The following MICAL3 variants were observed in gnomAD, a reference collection of about 807,000 sequenced individuals.
MICAL3 encodes [F-actin]-monooxygenase MICAL3.
A neutral mutation model predicts 207.4 loss-of-function variants in MICAL3; 62 were observed. The ratio of observed to expected loss-of-function variants is 0.30; its 90% CI spans 0.24 to 0.37. The LOEUF is 0.37. MICAL3 is among the 10% of genes least tolerant of loss of function. The pLI is 1.00. For missense variants in MICAL3, 2,368 were observed against 2,635.6 expected, an observed-to-expected ratio of 0.90 and a Z score of 2.22; for synonymous variants, 1,077 against 1,069.3, an observed-to-expected ratio of 1.01 and a Z score of -0.14.
At chr22:17,942,784 C>A (rs1602260739) in intron 1 of MICAL3, among the ~76,000 whole-genome samples, 1 of 152,074 alleles carries the variant, frequency 6.6e-6, no homozygotes, top group East Asian at 1.9e-4. Context: ...TCAACCAGGG[C>A]AGTCCCAGAG....
At chr22:17,926,349 C>T (rs895588609) in intron 1 of MICAL3, among the ~76,000 whole-genome samples, 1 of 152,216 alleles carries the variant, frequency 6.6e-6, no homozygotes, top group Non-Finnish European at 1.5e-5. Context: ...AAAAGCAAAC[C>T]TGGTGGAGAA....
rs190816455 is a variant in MICAL3, at chr22:17,850,572, C to T, written c.2606-8555G>A. On this transcript the variant is annotated intron_variant, in intron 19 of 31. Coordinates refer to ENST00000441493, the MANE Select transcript of MICAL3 (RefSeq NM_015241.3). ...GATTACAGGCGCCTGCCATCATGCC[C>T]GGCTAATTTTTGTATTTTTAGTAGA... is the stretch of plus-strand genomic sequence containing the variant. 1.1e-4 allele frequency among the ~76,000 whole-genome samples: 17 copies of T among 151,778 alleles called. No homozygotes were observed. The East Asian group carries it at 2.3e-3, about 21-fold the overall frequency.
intron 27 of MICAL3, chr22:17,814,969 G>A (rs9618121): frequency 0.015 from 2,211 of 150,828 alleles, 67 homozygotes; most frequent in African/African-American, 0.051. Context: ...TGGCCGTCCC[G>A]TAGGTCATCC....
chr22:18,000,182 A>C (rs1922775969), intron 1 of MICAL3, among the ~76,000 whole-genome samples: 1 of 151,840 alleles, frequency 6.6e-6, no homozygotes, highest in African/African-American at 2.4e-5. Context: ...CCAAATACAC[A>C]TTGGTGGCCT....
intron 19 of MICAL3, 55 bp from the exon 20 acceptor site, chr22:17,842,072 G>T: frequency 1.3e-6 from 2 of 1,530,650 alleles, no homozygotes; most frequent in African/African-American, 1.4e-5. Context: ...ACGGGGCGTG[G>T]GGGTGGGGGC....
At chr22:17,873,472 C>A (rs1412818602) in intron 16 of MICAL3, among the ~76,000 whole-genome samples, 14 of 152,230 alleles carry the variant, frequency 9.2e-5, no homozygotes, top group Admixed American at 9.2e-4. Context: ...TTTCTCCCTG[C>A]TGATGTTATT....
intron 1 of MICAL3, among the ~76,000 whole-genome samples, chr22:17,999,821 A>G (rs1308258112): frequency 6.6e-6 from 1 of 152,234 alleles, no homozygotes; most frequent in Non-Finnish European, 1.5e-5. Context: ...TAATTATGAA[A>G]TTAACTCAAG....
At chr22:18,001,601 A>C (rs1417089141) in intron 1 of MICAL3, 1 of 152,248 alleles carries the variant, frequency 6.6e-6, no homozygotes, top group African/African-American at 2.4e-5. Context: ...ATCTCAGTAC[A>C]CCTCGAAAAC....
chr22:17,896,145 G>A (rs1012073253), intron 9 of MICAL3, 101 bp downstream of exon 9: 1 of 618,510 alleles, frequency 1.6e-6, no homozygotes, highest in Middle Eastern at 2.6e-4. Flanking sequence ...AATTAAGAAG[G>A]CAGAGAAAGA....
In MICAL3 at chr22:17,831,867, TTCC is replaced by T. The variant is rs1922849224; in HGVS notation, c.3039_3041del (p.Glu1015del). 8 of 1,552,508 alleles carry T rather than the reference TTCC, an allele frequency of 5.2e-6. No homozygotes were observed. The highest frequency in any genetic ancestry group is 1.8e-4 in the Middle Eastern group (1 of 5,588). On this transcript the variant is annotated inframe_deletion, in exon 21 of 32. Transcript: ENST00000441493. ...TTTTGTTCTGACCTTCACTGGACTCTTCCTCCTCCTCGTCATAGTCCTCCTCCT... is the reference window on the plus strand; with the variant it reads ...TTTTGTTCTGACCTTCACTGGACTCTTCCTCCTCGTCATAGTCCTCCTCCT...
At position 17,818,163 on chromosome 22, in the gene MICAL3, C is replaced by G; in HGVS notation, c.4498G>C (p.Glu1500Gln). 1 of 1,595,992 alleles carries G rather than the reference C, an allele frequency of 6.3e-7. No individual in the cohort carries two copies. Among genetic ancestry groups the G allele is most frequent in the Non-Finnish European group, 8.5e-7 (1 of 1,173,492 alleles). ...TCCTCTCTGGGGGGCTGAGCAGGCT[C>G]CCGGGGGGGCCGCATCCAGGTGGCG... ...LPATWMRPPR[E>Q]PAQPPREEVR... The change falls in exon 26 of 32, where the codon GAG becomes CAG. Residue 1500 changes from glutamate (E) to glutamine (Q), a missense_variant. By Grantham distance (29) the Glu-to-Gln change is conservative. Transcript: ENST00000441493.
intron 16 of MICAL3, among the ~76,000 whole-genome samples, chr22:17,877,261 GGGAAGTTAT>G (rs1928746114): frequency 2.4e-4 from 11 of 44,904 alleles, no homozygotes; most frequent in Admixed American, 4.6e-4. Flanking sequence ...AGGGAGGTTA[GGGAAGTTAT>G]GGAGGTTAGG....
Position 17,953,963 on chromosome 22 carries a change from A to AAAAAG in MICAL3, c.-74-47082_-74-47078dup, listed in dbSNP as rs767777794. Reference sequence around the variant, plus strand: ...AAAAAAAAAAAAAAAAAAAAAAAAAAAAAAGAAAAGAAAAAGAAAAAGAAA... The same window carrying AAAAAG: ...AAAAAAAAAAAAAAAAAAAAAAAAAAAAAAGAAAAGAAAAGAAAAAGAAAAAGAAA... On this transcript the variant is annotated intron_variant, in intron 1 of 31. Coordinates refer to ENST00000441493, the MANE Select transcript of MICAL3 (RefSeq NM_015241.3). 1.5e-3 allele frequency among the ~76,000 whole-genome samples: 197 copies of AAAAAG among 130,558 alleles called. 4 individuals carry two copies. Among genetic ancestry groups the AAAAAG allele is most frequent in the African/African-American group, 3.1e-3 (105 of 33,984 alleles). The allele number at this position is 130,558 out of a possible 152,430, so 85.7% of individuals were successfully genotyped here. A position where few individuals can be genotyped will look rare whatever the true frequency, so the allele number is the denominator to read the frequency against.
chr22:17,907,522 A>G (rs1279945973), intron 1 of MICAL3, among the ~76,000 whole-genome samples: 1 of 152,204 alleles, frequency 6.6e-6, no homozygotes, highest in African/African-American at 2.4e-5. Context: ...GGAAGTCGGT[A>G]CAAATGTGAA....
At chr22:17,909,993 C>T (rs1019144677) in intron 1 of MICAL3, among the ~76,000 whole-genome samples, 3 of 152,226 alleles carry the variant, frequency 2.0e-5, no homozygotes, top group Admixed American at 6.5e-5. Context: ...TCAACCTGAA[C>T]TCCACCAGAG....
intron 1 of MICAL3, among the ~76,000 whole-genome samples, chr22:17,960,694 T>C (rs1200051257): frequency 6.8e-6 from 1 of 148,028 alleles, no homozygotes; most frequent in African/African-American, 2.5e-5. Flanking sequence ...GGTGAGAGGG[T>C]GGGGGGAAGG....
chr22:17,941,867 A>G (rs1487168367), intron 1 of MICAL3, among the ~76,000 whole-genome samples: 1 of 152,032 alleles, frequency 6.6e-6, no homozygotes, highest in Non-Finnish European at 1.5e-5. Flanking sequence ...CCCCCATTCT[A>G]AAGTGCCTCC....
chr22:17,892,435 G>A (rs1441299265), intron 11 of MICAL3, among the ~76,000 whole-genome samples: 2 of 152,212 alleles, frequency 1.3e-5, no homozygotes, highest in African/African-American at 4.8e-5. Flanking sequence ...GAGGGCAACT[G>A]AAGTTTGTAC....
chr22:17,973,775 GC>G (rs1183700254), intron 1 of MICAL3, among the ~76,000 whole-genome samples: 1 of 152,132 alleles, frequency 6.6e-6, no homozygotes, highest in Non-Finnish European at 1.5e-5. Flanking sequence ...CAAAAAATTA[GC>G]CAGGCATGGT....
Sources: gnomAD v4.1 joint callset for allele counts (sites outside exome capture counted in the v4.1 genomes callset) on GRCh38, gnomAD v4.1.1 for gene constraint, MANE v1.5 for transcripts, NCBI Gene and HGNC (gene_info 2026-07-23, HGNC 2026-07-21) for gene names.